The following PGR variants were observed in gnomAD, a reference collection of about 807,000 sequenced individuals.
PGR encodes the protein progesterone receptor, also known as nuclear receptor subfamily 3 group C member 3.
Under a neutral mutation model 76.1 loss-of-function variants are expected in PGR, and 25 were observed. The observed-to-expected ratio is 0.33, with a 90% CI of 0.24 to 0.46. PGR has a LOEUF of 0.46. PGR is among the 20% of genes least tolerant of loss of function. The pLI is 1.00. For missense variants in PGR, 1,172 were observed against 1,225.3 expected (o/e 0.96, Z 0.65); for synonymous variants, 579 against 535.0 (o/e 1.08, Z -1.14).
chr11:101,091,573 G>T (rs1861674563), intron 3 of PGR, among the ~76,000 whole-genome samples, 187 bp downstream of exon 3: 1 of 152,138 alleles, frequency 6.6e-6, no homozygotes, highest in African/African-American at 2.4e-5. Context: ...CAATGTGCTA[G>T]AAAACTGTAA....
chr11:101,103,906 T>C (rs1254800876), intron 2 of PGR, among the ~76,000 whole-genome samples: 3 of 152,362 alleles, frequency 2.0e-5, no homozygotes, highest in Admixed American at 6.5e-5. Context: ...CCACCTATTA[T>C]TAGCTATATA....
intron 3 of PGR, among the ~76,000 whole-genome samples, chr11:101,073,934 C>G (rs1861032725): frequency 6.6e-6 from 1 of 152,136 alleles, no homozygotes; most frequent in African/African-American, 2.4e-5. Flanking sequence ...CTTTCTAAAA[C>G]TATTCCAAAC....
In PGR at chr11:101,035,583, T is replaced by C. The variant is rs773267717; in HGVS notation, c.*3533A>G. The C allele has an allele frequency of 4.3e-5, 10 of 232,080 alleles. No individual in the cohort carries two copies. The highest frequency in any genetic ancestry group is 8.5e-5 in the Non-Finnish European group (10 of 117,420). The allele number at this position is 232,080 out of a possible 1,614,324, so 14.4% of individuals were successfully genotyped here. A position where few individuals can be genotyped will look rare whatever the true frequency, so the allele number is the denominator to read the frequency against. ...TGCCATAGTAAAAATAATTTGAGCA[T>C]GGGTTTTTGGAGGGGCTGTGTTCTA... On this transcript the variant is annotated 3_prime_UTR_variant, in exon 8 of 8. Coordinates refer to ENST00000325455, the MANE Select transcript of PGR (RefSeq NM_000926.4).
intron 2 of PGR, among the ~76,000 whole-genome samples, chr11:101,124,977 A>G (rs1591435993): frequency 6.6e-6 from 1 of 152,046 alleles, no homozygotes; most frequent in African/African-American, 2.4e-5. Flanking sequence ...GAAATTTCCT[A>G]CTACCTGCTT....
intron 6 of PGR, among the ~76,000 whole-genome samples, chr11:101,046,211 G>A (rs1277397163): frequency 2.0e-5 from 3 of 148,320 alleles, no homozygotes; most frequent in Admixed American, 6.8e-5. Flanking sequence ...CTGCAGCCTC[G>A]ACTTCCTAGG....
chr11:101,120,967 T>C (rs1435986292), intron 2 of PGR, among the ~76,000 whole-genome samples: 1 of 152,192 alleles, frequency 6.6e-6, no homozygotes, highest in Non-Finnish European at 1.5e-5. Context: ...GAGCTCTAAA[T>C]AACCAAATAT....
chr11:101,055,056 T>C (rs557207901), intron 4 of PGR, among the ~76,000 whole-genome samples: 4 of 152,276 alleles, frequency 2.6e-5, no homozygotes, highest in South Asian at 2.1e-4. Flanking sequence ...TTCTGGAATA[T>C]ATATTTTCCA....
At chr11:101,088,312 T>C (rs769810301) in intron 3 of PGR, among the ~76,000 whole-genome samples, 5 of 152,098 alleles carry the variant, frequency 3.3e-5, no homozygotes, top group African/African-American at 4.8e-5. Flanking sequence ...ACGGTAGAAA[T>C]TGGTTTGAAC....
At chr11:101,044,417 ATCT>A (rs1859793572) in intron 6 of PGR, among the ~76,000 whole-genome samples, 1 of 152,082 alleles carries the variant, frequency 6.6e-6, no homozygotes, top group Non-Finnish European at 1.5e-5. Flanking sequence ...GGCTGGTTTG[ATCT>A]TCTATTCAGA....
Position 101,128,347 on chromosome 11 carries a change from G to T in PGR, c.724C>A (p.Arg242=), listed in dbSNP as rs200987911. ...CCAGCCGCCGCGCCACCCAGAGCCCGAGGTTTGCCCTTCAGAAGCGGACCC... is the reference window on the plus strand; with the variant it reads ...CCAGCCGCCGCGCCACCCAGAGCCCTAGGTTTGCCCTTCAGAAGCGGACCC... The part of the protein sequence containing the change: ...SAGPLLKGKP[R]ALGGAAAGGG... The change falls in exon 1 of 8, where the codon CGG becomes AGG. Residue 242 remains arginine (R), a synonymous_variant. Transcript: ENST00000325455. The T allele has an allele frequency of 6.2e-6, 10 of 1,602,208 alleles. No homozygotes were observed. Among genetic ancestry groups the T allele is most frequent in the Non-Finnish European group, 8.5e-6 (10 of 1,178,910 alleles).
chr11:101,079,849 C>G (rs1029050866), intron 3 of PGR, among the ~76,000 whole-genome samples: 1 of 152,188 alleles, frequency 6.6e-6, no homozygotes, highest in Non-Finnish European at 1.5e-5. Context: ...TCATTTACCC[C>G]TCCTGTGTAG....
At chr11:101,093,426 T>A in intron 2 of PGR, among the ~76,000 whole-genome samples, 1 of 152,140 alleles carries the variant, frequency 6.6e-6, no homozygotes, top group East Asian at 1.9e-4. Flanking sequence ...TATACTGATA[T>A]CTCACAAGAA....
At chr11:101,076,919 ATTTTTTTTTTTTTT>A (rs59106149) in intron 3 of PGR, among the ~76,000 whole-genome samples, 1 of 65,132 alleles carries the variant, frequency 1.5e-5, no homozygotes, top group African/African-American at 5.8e-5. Flanking sequence ...TACAAATGGA[ATTTTTTTTTTTTTT>A]TTTTTTTTTT....
rs1339050567 is a variant in PGR at position 101,032,118 on chromosome 11, C to T, written c.*6998G>A. ...TCAACACATAAGCAAAATAATTAGA[C>T]ATCTGGCCTTGTGTTTGACAATTTA... On this transcript the variant is annotated 3_prime_UTR_variant, in exon 8 of 8. Transcript: ENST00000325455. 4.3e-6 allele frequency: 1 copy of T among 232,804 alleles called. No homozygotes were observed. The allele number at this position is 232,804 out of a possible 1,614,324, so 14.4% of individuals were successfully genotyped here.
chr11:101,064,099 G>C (rs144253766), intron 3 of PGR: 1 of 152,082 alleles, frequency 6.6e-6, no homozygotes, highest in African/African-American at 2.4e-5. Context: ...GAGAGGCCGA[G>C]GTGGGCAGAT....
At chr11:101,054,134 C>G (rs1229086469) in intron 4 of PGR, among the ~76,000 whole-genome samples, 1 of 152,182 alleles carries the variant, frequency 6.6e-6, no homozygotes, top group Admixed American at 6.5e-5. Flanking sequence ...ATATTCTAAG[C>G]TTGTCCTCTA....
rs1859297236 is a variant in PGR, at chr11:101,029,891, T to C, written c.*9225A>G. 1 of 223,492 alleles carries C rather than the reference T, an allele frequency of 4.5e-6. No individual in the cohort carries two copies. Among genetic ancestry groups the C allele is most frequent in the Admixed American group, 5.7e-5 (1 of 17,432 alleles). 13.8% of individuals were successfully genotyped at this position (223,492 alleles called of 1,614,324 possible). On this transcript the variant is annotated 3_prime_UTR_variant, in exon 8 of 8. Transcript: ENST00000325455. ...TATGATGATGATATTAGGTGCCCAC[T>C]AGCACCTAGTTTTTACAGCTTTGCA...
Position 101,128,010 on chromosome 11 carries a change from G to C in PGR, c.1061C>G (p.Ala354Gly). The C allele has an allele frequency of 6.2e-7, 1 of 1,610,546 alleles. No individual in the cohort carries two copies. Among genetic ancestry groups the C allele is most frequent in the Non-Finnish European group, 8.5e-7 (1 of 1,179,836 alleles). ...SSPCASSTPV[A>G]VGDFPDCAYP... ...CGCGCAGTCGGGGAAGTCGCCTACA[G>C]CGACCGGGGTGGACGAGGCACAGGG... Residue 354 changes from alanine to glycine, a missense_variant, in exon 1 of 8, where the codon GCT becomes GGT. Ala to Gly is a moderately conservative substitution (Grantham distance 60). Coordinates refer to ENST00000325455, the MANE Select transcript of PGR (RefSeq NM_000926.4).
At chr11:101,046,965 T>C (rs1258112319) in intron 6 of PGR, among the ~76,000 whole-genome samples, 1 of 152,202 alleles carries the variant, frequency 6.6e-6, no homozygotes, top group Non-Finnish European at 1.5e-5. Flanking sequence ...AAGATGGATT[T>C]TCAGTAGGTT....
Sources: gnomAD v4.1 joint callset for allele counts (sites outside exome capture counted in the v4.1 genomes callset) on GRCh38, gnomAD v4.1.1 for gene constraint, MANE v1.5 for transcripts, NCBI Gene and HGNC (gene_info 2026-07-23, HGNC 2026-07-21) for gene names.